The following MAZ variants were observed in gnomAD, a reference collection of about 807,000 sequenced individuals.
MAZ encodes myc-associated zinc finger protein.
MAZ carries 4 observed loss-of-function variants against 32.7 expected under a neutral mutation model. That is an observed-to-expected ratio of 0.12 (90% CI 0.06 to 0.28). The LOEUF (loss-of-function observed/expected upper bound fraction) is 0.28. Ranked by LOEUF, MAZ falls within the 10% of genes least tolerant of loss-of-function variation. The pLI, the probability that MAZ is intolerant of heterozygous loss-of-function variation, is 1.00. For missense variants in MAZ, 763 were observed against 667.2 expected, an observed-to-expected ratio of 1.14 and a Z score of -1.58; for synonymous variants, 510 against 297.6, an observed-to-expected ratio of 1.71 and a Z score of -7.35.
chr16:29,806,147 G>T, upstream of MAZ: 1 of 1,224,812 alleles, frequency 8.2e-7, no homozygotes, highest in Non-Finnish European at 1.1e-6. Flanking sequence ...CCTCCGCCAT[G>T]GATCCCAGCA....
rs768896437 is a variant in MAZ, at chr16:29,806,746, C to T, written c.45C>T (p.Pro15=). 6.0e-5 allele frequency: 84 copies of T among 1,409,296 alleles called. No individual in the cohort carries two copies. In the South Asian group the frequency reaches 1.0e-3, roughly 17 times the overall value. The allele number at this position is 1,409,296 out of a possible 1,614,324, so 87.3% of individuals were successfully genotyped here. A position where few individuals can be genotyped will look rare whatever the true frequency, so the allele number is the denominator to read the frequency against. The change falls in exon 1 of 5, where the codon CCC becomes CCT. Residue 15 remains proline (P), a synonymous_variant. Transcript: ENST00000322945. The part of the protein sequence containing the change: ...FPCTLLAPPF[P]VLGLDSRGVG... ...GCACGCTGCTGGCCCCCCCCTTCCC[C>T]GTGCTGGGCCTGGACTCCCGGGGGG... is the stretch of plus-strand genomic sequence containing the variant.
rs1451840079 is a variant in MAZ, at chr16:29,810,614, C to T, written c.*383C>T. 1.7e-5 allele frequency: 11 copies of T among 641,852 alleles called. No individual in the cohort carries two copies. Among genetic ancestry groups the T allele is most frequent in the South Asian group, 9.8e-5 (6 of 61,152 alleles). 39.8% of individuals were successfully genotyped at this position (641,852 alleles called of 1,614,324 possible). A position where few individuals can be genotyped will look rare whatever the true frequency, so the allele number is the denominator to read the frequency against. Reference sequence around the variant, plus strand: ...TCCTCTTCTCTCCTTCCAGTCCTCTCCCCCTGCTGTCTGCAGCCCCTCCCC... The same window carrying T: ...TCCTCTTCTCTCCTTCCAGTCCTCTTCCCCTGCTGTCTGCAGCCCCTCCCC... On this transcript the variant is annotated 3_prime_UTR_variant, in exon 5 of 5. Coordinates refer to ENST00000322945, the MANE Select transcript of MAZ (RefSeq NM_002383.4).
Position 29,810,098 on chromosome 16 carries a change from T to TGGCGGCGGCAGCGGCAGCGGC in MAZ, c.1305_1325dup (p.Ala442_Ala448dup), listed in dbSNP as rs780528070. 5.6e-6 allele frequency: 9 copies of TGGCGGCGGCAGCGGCAGCGGC among 1,607,640 alleles called. No homozygotes were observed. Among genetic ancestry groups the TGGCGGCGGCAGCGGCAGCGGC allele is most frequent in the Admixed American group, 3.4e-5 (2 of 59,658 alleles). ...GCAGGTACTGGTGAGGTTTGTCCAA[T>TGGCGGCGGCAGCGGCAGCGGC]GGCGGCGGCAGCGGCAGCGGCGGCA... On this transcript the variant is annotated inframe_insertion, in exon 5 of 5. Transcript: ENST00000322945.
rs756735486 is a variant in MAZ at position 29,807,553 on chromosome 16, C to G, written c.768C>G (p.Gly256=). ...GGGGEAGAGG[G]AAAVAAGGVV... is the part of the protein sequence containing the mutation. ...GGGGAGAGGCGGGTGCCGGCGGCGGCGCTGCCGCAGTGGCCGCCGGTGGCG... is the reference window on the plus strand; with the variant it reads ...GGGGAGAGGCGGGTGCCGGCGGCGGGGCTGCCGCAGTGGCCGCCGGTGGCG... Residue 256 remains glycine, a synonymous_variant, in exon 2 of 5, where the codon GGC becomes GGG. Coordinates refer to ENST00000322945, the MANE Select transcript of MAZ (RefSeq NM_002383.4). 8.7e-6 allele frequency: 14 copies of G among 1,602,012 alleles called. No homozygotes were observed. The South Asian group carries it at 1.5e-4, about 18-fold the overall frequency.
In MAZ at chr16:29,810,476, G is replaced by C. The variant is rs1899881843; in HGVS notation, c.*245G>C. 1 of 704,788 alleles carries C rather than the reference G, an allele frequency of 1.4e-6. No individual in the cohort carries two copies. The highest frequency in any genetic ancestry group is 1.7e-5 in the African/African-American group (1 of 57,344). The allele number at this position is 704,788 out of a possible 1,614,324, so 43.7% of individuals were successfully genotyped here. ...CCCTCGGTTGTGTTGAAGTCCCCTGGACAGTGGGCAGGGGTGGCAGAGGAC... is the reference window on the plus strand; with the variant it reads ...CCCTCGGTTGTGTTGAAGTCCCCTGCACAGTGGGCAGGGGTGGCAGAGGAC... On this transcript the variant is annotated 3_prime_UTR_variant, in exon 5 of 5. Transcript: ENST00000322945.
chr16:29,807,918 GGCT>G, intron 2 of MAZ, 90 bp downstream of exon 2: 1 of 1,528,352 alleles, frequency 6.5e-7, no homozygotes, highest in Non-Finnish European at 8.8e-7. Flanking sequence ...GGAGGGAGGC[GGCT>G]GCTGAGGCTG....
At position 29,806,992 on chromosome 16, in the gene MAZ, C is replaced by G; in HGVS notation, c.207C>G (p.Pro69=). 3.9e-6 allele frequency: 4 copies of G among 1,014,860 alleles called. No homozygotes were observed. The highest frequency in any genetic ancestry group is 4.7e-6 in the Non-Finnish European group (4 of 852,974). 62.9% of individuals were successfully genotyped at this position (1,014,860 alleles called of 1,614,324 possible). A position where few individuals can be genotyped will look rare whatever the true frequency, so the allele number is the denominator to read the frequency against. ...TGTCTCCGCAGGCCGCGCCGGCGCC[C>G]CCGCCCACGCCCCAGGCCCCGGCGG... is the stretch of plus-strand genomic sequence containing the variant. The part of the protein sequence containing the change: ...AQSPFQAAPA[P]PPTPQAPAAE... Residue 69 remains proline, a synonymous_variant, in exon 2 of 5, where the codon CCC becomes CCG. Coordinates refer to ENST00000322945, the MANE Select transcript of MAZ (RefSeq NM_002383.4).
At position 29,806,654 on chromosome 16, in the gene MAZ, C is replaced by T. The variant is rs1340563588; in HGVS notation, c.-48C>T. The T allele has an allele frequency of 1.0e-5, 10 of 987,728 alleles. No homozygotes were observed. In the South Asian group the frequency reaches 2.3e-4, roughly 23 times the overall value. The allele number at this position is 987,728 out of a possible 1,614,324, so 61.2% of individuals were successfully genotyped here. On this transcript the variant is annotated 5_prime_UTR_variant, in exon 1 of 5. Transcript: ENST00000322945. ...CCGAGCCCGGGCCCCGCGCGGCCCGCGCCCCCGGCCCCCGCTGAGCCCCGG... is the reference window on the plus strand; with the variant it reads ...CCGAGCCCGGGCCCCGCGCGGCCCGTGCCCCCGGCCCCCGCTGAGCCCCGG...
rs1266745818 is a variant in MAZ at position 29,807,089 on chromosome 16, G to A, written c.304G>A (p.Ala102Thr). ...GGAGTCCGCCGCGGCTGCTGCGGCC[G>A]CTGCCGCCGCTGCTGCCGCCGTCGC... Reference protein sequence around the residue: ...AQESAAAAAAAAAAAAAVAAA... With the variant: ...AQESAAAAAATAAAAAAVAAA... Residue 102 changes from alanine to threonine, a missense_variant, in exon 2 of 5, where the codon GCT becomes ACT. Coordinates refer to ENST00000322945, the MANE Select transcript of MAZ (RefSeq NM_002383.4). The A allele has an allele frequency of 1.9e-5, 19 of 998,428 alleles. No homozygotes were observed. The highest frequency in any genetic ancestry group is 4.3e-5 in the South Asian group (1 of 23,148). The allele number at this position is 998,428 out of a possible 1,614,324, so 61.8% of individuals were successfully genotyped here. A position where few individuals can be genotyped will look rare whatever the true frequency, so the allele number is the denominator to read the frequency against.
intron 4 of MAZ, chr16:29,809,560 C>A (rs777570804): frequency 1.2e-6 from 2 of 1,611,362 alleles, no homozygotes; most frequent in African/African-American, 2.7e-5. Context: ...GGCAGCATAC[C>A]TGCGCATCCA....
rs1899537400 is a variant in MAZ at position 29,807,091 on chromosome 16, T to TGCTGCCGCC, written c.308_309insTGCCGCCGC (p.Ala106_Ala108dup). On this transcript the variant is annotated inframe_insertion, in exon 2 of 5. Coordinates refer to ENST00000322945, the MANE Select transcript of MAZ (RefSeq NM_002383.4). Reference sequence around the variant, plus strand: ...AGTCCGCCGCGGCTGCTGCGGCCGCTGCCGCCGCTGCTGCCGCCGTCGCTG... The same window carrying TGCTGCCGCC: ...AGTCCGCCGCGGCTGCTGCGGCCGCTGCTGCCGCCGCCGCCGCTGCTGCCGCCGTCGCTG... The TGCTGCCGCC allele has an allele frequency of 1.0e-6, 1 of 989,046 alleles. No homozygotes were observed. Among genetic ancestry groups the TGCTGCCGCC allele is most frequent in the Non-Finnish European group, 1.2e-6 (1 of 825,600 alleles). 61.3% of individuals were successfully genotyped at this position (989,046 alleles called of 1,614,324 possible). A position where few individuals can be genotyped will look rare whatever the true frequency, so the allele number is the denominator to read the frequency against.
chr16:29,808,051 A>AGGC (rs761537307), intron 2 of MAZ, 179 bp from the exon 3 acceptor site: 172 of 1,014,494 alleles, frequency 1.7e-4, no homozygotes, highest in Middle Eastern at 8.4e-4. Context: ...GCGTGGGAGG[A>AGGC]GGCGGCGGCG....
At chr16:29,808,107 T>A in intron 2 of MAZ, 123 bp from the exon 3 acceptor site, 1 of 1,017,386 alleles carries the variant, frequency 9.8e-7, no homozygotes, top group East Asian at 2.6e-5. Flanking sequence ...CCTGCTTAAG[T>A]GTCGCTGTGA....
In MAZ at chr16:29,808,225, C is replaced by T. The variant is rs1205757493; in HGVS notation, c.1044-5C>T. The T allele has an allele frequency of 3.1e-6, 5 of 1,613,584 alleles. No homozygotes were observed. Among genetic ancestry groups the T allele is most frequent in the East Asian group, 2.2e-5 (1 of 44,882 alleles). ...GCCCTAACCCCAACCCCAACGTGTC[C>T]CCAGGCCGGATCACCTCAACAGTCA... is the stretch of plus-strand genomic sequence containing the variant. On this transcript the variant is annotated splice_polypyrimidine_tract_variant and splice_region_variant and intron_variant, in intron 2 of 4. Transcript: ENST00000322945.
intron 4 of MAZ, 46 bp downstream of exon 4, chr16:29,808,787 G>C (rs775803088): frequency 6.3e-6 from 10 of 1,590,384 alleles, no homozygotes; most frequent in South Asian, 5.6e-5. Context: ...GAGGGTGGGC[G>C]CCTGGCCAGA....
chr16:29,808,124 G>C, intron 2 of MAZ, 106 bp from the exon 3 acceptor site: 1 of 1,122,560 alleles, frequency 8.9e-7, no homozygotes, highest in Non-Finnish European at 1.3e-6. Context: ...GTGACGGCCT[G>C]GGCTCCGGGA....
At position 29,810,568 on chromosome 16, in the gene MAZ, G is replaced by C; in HGVS notation, c.*337G>C. 1 of 697,612 alleles carries C rather than the reference G, an allele frequency of 1.4e-6. No individual in the cohort carries two copies. The highest frequency in any genetic ancestry group is 1.5e-5 in the South Asian group (1 of 66,658). 43.2% of individuals were successfully genotyped at this position (697,612 alleles called of 1,614,324 possible). On this transcript the variant is annotated 3_prime_UTR_variant, in exon 5 of 5. Coordinates refer to ENST00000322945, the MANE Select transcript of MAZ (RefSeq NM_002383.4). The stretch of plus-strand genomic sequence containing the variant: ...CCATGCCCTGTCTTCCCAGGGACTT[G>C]TGAGCCTCTTCCCTCGACGGTCCTC...
chr16:29,807,294 C>A lies in MAZ; in HGVS notation c.509C>A (p.Thr170Lys). The A allele has an allele frequency of 6.4e-7, 1 of 1,556,414 alleles. No individual in the cohort carries two copies. Among genetic ancestry groups the A allele is most frequent in the Non-Finnish European group, 8.7e-7 (1 of 1,154,390 alleles). ...ACCGCCGTCGTAGCCCCAACCTCGACGGTCGCCGTGGCCCCGGTCGCGTCT... is the reference window on the plus strand; with the variant it reads ...ACCGCCGTCGTAGCCCCAACCTCGAAGGTCGCCGTGGCCCCGGTCGCGTCT... ...AATAVVAPTS[T>K]VAVAPVASAL... The change falls in exon 2 of 5, where the codon ACG becomes AAG. Residue 170 changes from threonine to lysine, a missense_variant. By Grantham distance (78) the Thr-to-Lys change is moderately conservative. Transcript: ENST00000322945.
rs754413025 is a variant in MAZ, at chr16:29,810,994, C to T, written c.*763C>T. The T allele has an allele frequency of 4.5e-6, 2 of 446,642 alleles. No homozygotes were observed. Among genetic ancestry groups the T allele is most frequent in the Non-Finnish European group, 4.5e-6 (1 of 222,068 alleles). The allele number at this position is 446,642 out of a possible 1,614,324, so 27.7% of individuals were successfully genotyped here. On this transcript the variant is annotated 3_prime_UTR_variant, in exon 5 of 5. Transcript: ENST00000322945. ...AATGCAGCCAGTGTCCCCCTCCCCTCTTCCACCCCAGCTCCAGCCCTGGTC... is the reference window on the plus strand; with the variant it reads ...AATGCAGCCAGTGTCCCCCTCCCCTTTTCCACCCCAGCTCCAGCCCTGGTC...
Sources: gnomAD v4.1 joint callset for allele counts on GRCh38, gnomAD v4.1.1 for gene constraint, MANE v1.5 for transcripts, NCBI Gene and HGNC (gene_info 2026-07-23, HGNC 2026-07-21) for gene names.